B3GALT1: variants seen among roughly 807,000 people sequenced by gnomAD.
B3GALT1 encodes UDP-Gal:betaGlcNAc beta 1,3-galactosyltransferase, polypeptide 1.
In B3GALT1, 10 loss-of-function variants were observed where a neutral mutation model predicts 23.2. The observed-to-expected ratio is 0.43, with a 90% confidence interval of 0.27 to 0.73. B3GALT1 has a LOEUF of 0.73. Among genes scored for constraint, B3GALT1 ranks in the 30% least tolerant of loss-of-function variants. The pLI, the probability that B3GALT1 is intolerant of heterozygous loss-of-function variation, is 0.21. For missense variants in B3GALT1, 299 were observed against 405.4 expected (o/e 0.74, Z 2.25); for synonymous variants, 156 against 141.5 (o/e 1.10, Z -0.73).
intron 4 of B3GALT1, among the ~76,000 whole-genome samples, chr2:167,856,599 G>C (rs186327925): frequency 2.0e-4 from 30 of 152,258 alleles, no homozygotes; most frequent in Admixed American, 5.2e-4. Context: ...ATCCAAAGCG[G>C]GAGTGAAAGA....
chr2:167,858,653 A>G (rs1017527482), intron 4 of B3GALT1, among the ~76,000 whole-genome samples: 1 of 152,180 alleles, frequency 6.6e-6, no homozygotes. Context: ...TGATGACTCC[A>G]AGTCTAGAAC....
intron 3 of B3GALT1, among the ~76,000 whole-genome samples, chr2:167,728,696 G>A (rs1163904082): frequency 6.6e-6 from 1 of 152,152 alleles, no homozygotes; most frequent in East Asian, 1.9e-4. Flanking sequence ...TTAAGATTAT[G>A]TGGTATTTCC....
chr2:167,324,287 ATATT>A (rs1696856788), intron 1 of B3GALT1, among the ~76,000 whole-genome samples: 1 of 151,862 alleles, frequency 6.6e-6, no homozygotes, highest in Non-Finnish European at 1.5e-5. Flanking sequence ...ATTTATAATA[ATATT>A]TATTTAAAAT....
chr2:167,490,770 A>G (rs543365033), intron 2 of B3GALT1, among the ~76,000 whole-genome samples: 8 of 152,300 alleles, frequency 5.3e-5, no homozygotes, highest in Admixed American at 1.3e-4. Context: ...AAAGCCCTAC[A>G]GTGTCTGCTG....
chr2:167,358,564 A>G (rs1042852907), intron 1 of B3GALT1, among the ~76,000 whole-genome samples: 1 of 152,124 alleles, frequency 6.6e-6, no homozygotes, highest in African/African-American at 2.4e-5. Context: ...TTTTTTAGTA[A>G]TAATGACTAT....
intron 2 of B3GALT1, among the ~76,000 whole-genome samples, chr2:167,607,492 C>T (rs545885317): frequency 2.0e-5 from 3 of 152,292 alleles, no homozygotes; most frequent in South Asian, 4.1e-4. Context: ...TATAACTTAG[C>T]TGTATGCCCA....
intron 1 of B3GALT1, among the ~76,000 whole-genome samples, chr2:167,370,415 T>A (rs947017901): frequency 6.6e-6 from 1 of 152,126 alleles, no homozygotes; most frequent in African/African-American, 2.4e-5. Context: ...ATTAAACACA[T>A]ACTCTGTGCT....
intron 3 of B3GALT1, among the ~76,000 whole-genome samples, chr2:167,774,299 A>G (rs1314123449): frequency 2.0e-5 from 3 of 152,046 alleles, no homozygotes; most frequent in African/African-American, 7.2e-5. Context: ...ATGTTTCTTT[A>G]CCCTGGAAAA....
Position 167,646,041 on chromosome 2 carries a change from T to C in B3GALT1, c.-409-868T>C, listed in dbSNP as rs570299111. Reference sequence around the variant, plus strand: ...CCCTTTCCTGGTGTACAGTTTTCTATACCTTTTCTGAAATCACAGAATATT... The same window carrying C: ...CCCTTTCCTGGTGTACAGTTTTCTACACCTTTTCTGAAATCACAGAATATT... On this transcript the variant is annotated intron_variant, in intron 2 of 4. Transcript: ENST00000392690. Among the ~76,000 whole-genome samples, 255 of 152,330 alleles carry C rather than the reference T, an allele frequency of 1.7e-3. 1 individual carries two copies. Among genetic ancestry groups the C allele is most frequent in the African/African-American group, 5.6e-3 (232 of 41,582 alleles).
intron 1 of B3GALT1, among the ~76,000 whole-genome samples, chr2:167,445,886 G>T (rs1339217791): frequency 1.3e-5 from 2 of 152,154 alleles, no homozygotes; most frequent in African/African-American, 4.8e-5. Flanking sequence ...ATTGTTATGT[G>T]TGAATTTGAT....
chr2:167,577,410 G>A (rs1684405800), intron 2 of B3GALT1, among the ~76,000 whole-genome samples: 1 of 151,750 alleles, frequency 6.6e-6, no homozygotes, highest in Non-Finnish European at 1.5e-5. Flanking sequence ...GGAAAGATAG[G>A]ACTAGATTAA....
intron 3 of B3GALT1, among the ~76,000 whole-genome samples, chr2:167,793,554 C>T (rs956650422): frequency 6.6e-6 from 1 of 152,178 alleles, no homozygotes; most frequent in African/African-American, 2.4e-5. Context: ...TTCGGATTTT[C>T]TTCCACATTT....
intron 1 of B3GALT1, among the ~76,000 whole-genome samples, chr2:167,371,341 C>T (rs1217929301): frequency 1.3e-5 from 2 of 151,760 alleles, no homozygotes; most frequent in African/African-American, 4.8e-5. Context: ...CAAAATAGGC[C>T]CCTGTACTAA....
intron 2 of B3GALT1, among the ~76,000 whole-genome samples, chr2:167,556,202 A>C (rs1304762754): frequency 6.6e-6 from 1 of 152,136 alleles, no homozygotes; most frequent in Non-Finnish European, 1.5e-5. Flanking sequence ...TTAAGAATAT[A>C]TTAAATATTG....
At chr2:167,330,655 A>G (rs1696959225) in intron 1 of B3GALT1, among the ~76,000 whole-genome samples, 1 of 152,148 alleles carries the variant, frequency 6.6e-6, no homozygotes, top group Non-Finnish European at 1.5e-5. Flanking sequence ...TATTTCTTTC[A>G]ATGAATTCTT....
rs561291808 is a variant in B3GALT1, at chr2:167,741,332, CCTTT to C, written c.-351-77336_-351-77333del. 2.2e-4 allele frequency among the ~76,000 whole-genome samples: 33 copies of C among 152,228 alleles called. 2 individuals are homozygous for C. In the East Asian group the frequency reaches 6.4e-3, roughly 29 times the overall value. On this transcript the variant is annotated intron_variant, in intron 3 of 4. Transcript: ENST00000392690. The stretch of plus-strand genomic sequence containing the variant: ...TGAGCACATTCTAACAAATGAAATT[CCTTT>C]CTTCAAAAAACATCTACTAAGTGCT...
At chr2:167,640,183 G>GA (rs1343479275) in intron 2 of B3GALT1, among the ~76,000 whole-genome samples, 1 of 151,498 alleles carries the variant, frequency 6.6e-6, no homozygotes, top group Non-Finnish European at 1.5e-5. Flanking sequence ...TTTTCCCTTA[G>GA]AAAAAAAATT....
At chr2:167,605,827 TTG>T (rs1053374126) in intron 2 of B3GALT1, among the ~76,000 whole-genome samples, 4 of 152,208 alleles carry the variant, frequency 2.6e-5, no homozygotes, top group Non-Finnish European at 5.9e-5. Flanking sequence ...TATGCTCAGT[TTG>T]TCAATTAAGA....
intron 3 of B3GALT1, among the ~76,000 whole-genome samples, chr2:167,744,509 G>T (rs1344141820): frequency 6.6e-6 from 1 of 151,810 alleles, no homozygotes; most frequent in Non-Finnish European, 1.5e-5. Context: ...TTATTCCTCA[G>T]CTTTTCCTTG....
Sources: gnomAD v4.1 joint callset for allele counts (sites outside exome capture counted in the v4.1 genomes callset) on GRCh38, gnomAD v4.1.1 for gene constraint, MANE v1.5 for transcripts, NCBI Gene and HGNC (gene_info 2026-07-23, HGNC 2026-07-21) for gene names.